The following TTC13 variants were observed in gnomAD, a reference collection of about 807,000 sequenced individuals.
The protein encoded by TTC13 is tetratricopeptide repeat protein 13.
TTC13 carries 62 observed loss-of-function variants against 120.0 expected under a neutral mutation model. That is an observed-to-expected ratio of 0.52 (90% CI 0.42 to 0.64). The LOEUF (loss-of-function observed/expected upper bound fraction) is 0.64. Ranked by LOEUF, TTC13 falls within the 30% of genes least tolerant of loss-of-function variation. The pLI is 0.00. For synonymous variants in TTC13, 384 were observed against 393.5 expected (o/e 0.98, Z 0.28); for missense variants, 824 against 1,050.2 (o/e 0.78, Z 2.98).
Position 230,906,993 on chromosome 1 carries a change from G to A in TTC13, c.2495C>T (p.Pro832Leu). The change falls in exon 23 of 23, where the codon CCA (proline) becomes CTA (leucine). Residue 832 changes from proline to leucine, a missense_variant. Around this residue, in one of 4 missense-constraint regions of TTC13, gnomAD observed 226 missense variants for 259.1 expected, o/e 0.87. Transcript: ENST00000366661. ...CGTTGGAAACGTTTCTGATACTGAT[G>A]GAAGAGTCTTATAAGAAGGTGAAAT... Reference protein sequence around the residue: ...KSISPSYKTLPSVSETFPTLR... With the variant: ...KSISPSYKTLLSVSETFPTLR... The A allele has an allele frequency of 6.5e-7, 1 of 1,529,606 alleles. No homozygotes were observed. The highest frequency in any genetic ancestry group is 8.7e-7 in the Non-Finnish European group (1 of 1,145,302). The allele number at this position is 1,529,606 out of a possible 1,614,324, so 94.8% of individuals were successfully genotyped here. A position where few individuals can be genotyped will look rare whatever the true frequency, so the allele number is the denominator to read the frequency against.
rs1322401264 is a variant in TTC13, at chr1:230,978,714, C to A, written c.117G>T (p.Leu39=). The A allele has an allele frequency of 8.7e-6, 13 of 1,492,762 alleles. No individual in the cohort carries two copies. The highest frequency in any genetic ancestry group is 1.2e-5 in the Non-Finnish European group (13 of 1,129,646). 92.5% of individuals were successfully genotyped at this position (1,492,762 alleles called of 1,614,324 possible). ...GCTCGGTGGCCAGGGCGCCTGGCCG[C>A]AGCCCGGCGGACAGGACCCCCAGCA... The part of the protein sequence containing the change: ...LLLLGVLSAG[L]RPGALATEHY... Residue 39 remains leucine, a synonymous_variant, in exon 1 of 23, where the codon CTG becomes CTT. Transcript: ENST00000366661. This position sits in a 1 kb window ranked among gnomAD's most constrained non-coding sequence, Gnocchi z 5.6.
intron 2 of TTC13, among the ~76,000 whole-genome samples, chr1:230,960,469 A>G (rs1676522361): frequency 6.6e-6 from 1 of 152,188 alleles, no homozygotes; most frequent in Non-Finnish European, 1.5e-5. Flanking sequence ...CCATATATCA[A>G]GTTGATTACT....
intron 20 of TTC13, among the ~76,000 whole-genome samples, chr1:230,909,645 T>C (rs1408975966): frequency 1.3e-5 from 2 of 152,212 alleles, no homozygotes; most frequent in Non-Finnish European, 2.9e-5. Flanking sequence ...CAAATACATA[T>C]GTTAGTCTTA....
At chr1:230,918,667 G>A (rs1411769942) in intron 17 of TTC13, among the ~76,000 whole-genome samples, 1 of 152,146 alleles carries the variant, frequency 6.6e-6, no homozygotes, top group African/African-American at 2.4e-5. Context: ...AACTCCACGA[G>A]GTAGGTCTGG....
chr1:230,938,282 G>T (rs1019973539), intron 8 of TTC13, among the ~76,000 whole-genome samples: 13 of 152,154 alleles, frequency 8.5e-5, no homozygotes, highest in African/African-American at 3.1e-4. Context: ...CTTCCATCAG[G>T]TAGCTTGGAT....
At chr1:230,967,125 C>T (rs1025241686) in intron 1 of TTC13, among the ~76,000 whole-genome samples, 11 of 152,034 alleles carry the variant, frequency 7.2e-5, no homozygotes, top group East Asian at 3.9e-4. Context: ...ATTATCTGCA[C>T]GTAATTTTAT....
intron 3 of TTC13, among the ~76,000 whole-genome samples, chr1:230,957,390 T>C (rs1183683745): frequency 6.6e-6 from 1 of 152,206 alleles, no homozygotes; most frequent in Non-Finnish European, 1.5e-5. Flanking sequence ...TGAGCTATGA[T>C]TGTGCCACTG....
Position 230,939,433 on chromosome 1 carries a change from C to T in TTC13, c.853G>A (p.Ala285Thr). 6.2e-7 allele frequency: 1 copy of T among 1,613,192 alleles called. No individual in the cohort carries two copies. Among genetic ancestry groups the T allele is most frequent in the Non-Finnish European group, 8.5e-7 (1 of 1,179,342 alleles). ...AAAGTTAAACCTTTGTATAGCATAG[C>T]TATAGGCTGGTTTTTGTTCAGTTCT... ...SLELNKNQPIAMLYKGLTFFH... is the reference protein window; with the variant it reads ...SLELNKNQPITMLYKGLTFFH... Residue 285 changes from alanine (A) to threonine (T), a missense_variant, in exon 8 of 23, where the codon GCT (alanine) becomes ACT (threonine). Physicochemically the swap from Ala to Thr is moderately conservative, Grantham distance 58. Around this residue, in one of 4 missense-constraint regions of TTC13, gnomAD observed 430 missense variants for 626.8 expected, o/e 0.69. Transcript: ENST00000366661.
At chr1:230,907,043 G>A in intron 22 of TTC13, 24 bp from the exon 23 acceptor site, 4 of 1,292,182 alleles carry the variant, frequency 3.1e-6, no homozygotes, top group Non-Finnish European at 4.2e-6. Flanking sequence ...ACACAAAGTA[G>A]CGGCATGAAA....
chr1:230,958,743 C>T (rs1275900097), intron 2 of TTC13, among the ~76,000 whole-genome samples: 1 of 152,184 alleles, frequency 6.6e-6, no homozygotes, highest in African/African-American at 2.4e-5. Context: ...TTAATTCCAG[C>T]ACTTTGGGAG....
At chr1:230,964,215 T>C (rs1032494408) in intron 1 of TTC13, among the ~76,000 whole-genome samples, 1 of 152,240 alleles carries the variant, frequency 6.6e-6, no homozygotes, top group African/African-American at 2.4e-5. Flanking sequence ...TACTTTTTTC[T>C]TAATACGAAC....
At chr1:230,908,563 G>GA in intron 22 of TTC13, 149 bp downstream of exon 22, 2 of 672,828 alleles carry the variant, frequency 3.0e-6, no homozygotes, top group Non-Finnish European at 5.0e-6. Flanking sequence ...TTTTAACCTT[G>GA]AAAAAGTGAA....
At position 230,942,741 on chromosome 1, in the gene TTC13, C is replaced by T. The variant is rs1185581199; in HGVS notation, c.672+1065G>A. Among the ~76,000 whole-genome samples, 1 of 152,032 alleles carries T rather than the reference C, an allele frequency of 6.6e-6. No individual in the cohort carries two copies. The highest frequency in any genetic ancestry group is 1.5e-5 in the Non-Finnish European group (1 of 68,002). ...TCACTTAAAAACATAAAACAGAATG[C>T]CTTTGTACAGACTCTCTTCCCTGCG... On this transcript the variant is annotated intron_variant, in intron 6 of 22. Coordinates refer to ENST00000366661, the MANE Select transcript of TTC13 (RefSeq NM_024525.5). The surrounding 1 kb of genome is among the most constrained non-coding windows in gnomAD (Gnocchi z 4.0).
intron 1 of TTC13, among the ~76,000 whole-genome samples, chr1:230,964,765 C>T (rs1676968124): frequency 1.3e-5 from 2 of 152,136 alleles, no homozygotes; most frequent in African/African-American, 4.8e-5. Context: ...CAGCATGGTA[C>T]TGGCATAAAA....
At chr1:230,909,355 G>A (rs1192253043) in intron 20 of TTC13, among the ~76,000 whole-genome samples, 1 of 152,086 alleles carries the variant, frequency 6.6e-6, no homozygotes, top group African/African-American at 2.4e-5. Flanking sequence ...ATTAGGCCAG[G>A]CATGGTGGCT....
At chr1:230,954,467 C>T in intron 3 of TTC13, 64 bp from the exon 4 acceptor site, 1 of 1,275,104 alleles carries the variant, frequency 7.8e-7, no homozygotes, top group Non-Finnish European at 1.1e-6. Context: ...GAATCAATAA[C>T]TAAATGCTTT....
At chr1:230,916,157 T>C in intron 18 of TTC13, 36 bp downstream of exon 18, 2 of 1,485,048 alleles carry the variant, frequency 1.3e-6, no homozygotes, top group Non-Finnish European at 1.9e-6. Context: ...TCCTGCCTCG[T>C]CTCTAGTTTA....
At chr1:230,937,196 T>C (rs1674145655) in intron 8 of TTC13, among the ~76,000 whole-genome samples, 1 of 152,238 alleles carries the variant, frequency 6.6e-6, no homozygotes, top group South Asian at 2.1e-4. Flanking sequence ...AATTTGTAGT[T>C]AGTTTCTCTT....
chr1:230,911,944 G>A (rs961949651), intron 19 of TTC13, among the ~76,000 whole-genome samples: 3 of 152,112 alleles, frequency 2.0e-5, no homozygotes, highest in Non-Finnish European at 2.9e-5. Flanking sequence ...CCCCTACTCC[G>A]CATTGAGATT....
Sources: allele counts gnomAD v4.1 joint callset (sites outside exome capture counted in the v4.1 genomes callset), GRCh38; gene constraint gnomAD v4.1.1; regional missense constraint gnomAD v4.1.1; non-coding constraint Gnocchi (gnomAD v3.1); transcripts MANE v1.5; gene names NCBI Gene and HGNC (gene_info 2026-07-23, HGNC 2026-07-21).